Variants in DYTN observed in about 807,000 individuals in gnomAD.
DYTN encodes dystrotelin.
DYTN carries 75 observed loss-of-function variants against 69.6 expected under a neutral mutation model. The observed-to-expected ratio is 1.08, with a 90% CI of 0.89 to 1.31. DYTN has a LOEUF of 1.31. Among genes scored for constraint, DYTN ranks in the 50% most tolerant of loss-of-function variants. The probability of loss-of-function intolerance (pLI) is 0.00; values close to 1 mark genes in which losing one functional copy is unlikely to be tolerated. For synonymous variants in DYTN, 252 were observed against 249.1 expected (o/e 1.01, Z -0.11); for missense variants, 726 against 688.4 (o/e 1.05, Z -0.61).
At chr2:206,689,676 A>C (rs1196618060) in intron 9 of DYTN, among the ~76,000 whole-genome samples, 1 of 152,194 alleles carries the variant, frequency 6.6e-6, no homozygotes, top group Admixed American at 6.5e-5. Context: ...TAGAAAAGTG[A>C]AGTGACTTCC....
At chr2:206,691,341 A>T (rs868706598) in intron 9 of DYTN, among the ~76,000 whole-genome samples, 40 of 152,120 alleles carry the variant, frequency 2.6e-4, no homozygotes, top group African/African-American at 8.4e-4. Context: ...TGAACCTAGA[A>T]GGCAGAGGTC....
At chr2:206,687,505 G>A (rs957763706) in intron 9 of DYTN, 2 of 151,838 alleles carry the variant, frequency 1.3e-5, no homozygotes, top group African/African-American at 4.8e-5. Flanking sequence ...TTTTAATTTT[G>A]TTTATACTAT....
intron 1 of DYTN, among the ~76,000 whole-genome samples, chr2:206,713,910 G>A (rs549471329): frequency 1.1e-3 from 167 of 152,358 alleles, no homozygotes; most frequent in African/African-American, 3.9e-3. Flanking sequence ...CAGGCAATGA[G>A]GAGTTAGCAG....
chr2:206,665,694 G>A (rs1408557136), intron 10 of DYTN, among the ~76,000 whole-genome samples, 176 bp downstream of exon 10: 1 of 152,168 alleles, frequency 6.6e-6, no homozygotes, highest in Non-Finnish European at 1.5e-5. Flanking sequence ...CAATGGCACT[G>A]CCTTCATGGA....
intron 9 of DYTN, among the ~76,000 whole-genome samples, chr2:206,683,544 A>G (rs1175927291): frequency 1.3e-5 from 2 of 151,754 alleles, no homozygotes; most frequent in East Asian, 3.9e-4. Context: ...GGGTTTTACC[A>G]TGTTGGCCAT....
In DYTN at chr2:206,711,178, C is replaced by T. The variant is rs145440051; in HGVS notation, c.20-580G>A. ...TCTGAGTGCTTGAATTATTAGTGTTCGCGGTTATTTTCTCTCTGCTCAATA... is the reference window on the plus strand; with the variant it reads ...TCTGAGTGCTTGAATTATTAGTGTTTGCGGTTATTTTCTCTCTGCTCAATA... On this transcript the variant is annotated intron_variant, in intron 1 of 11. Transcript: ENST00000452335. Among the ~76,000 whole-genome samples the T allele has an allele frequency of 2.9e-4, 44 of 152,264 alleles. 1 individual carries two copies. In the East Asian group the frequency reaches 4.0e-3, roughly 14 times the overall value.
intron 9 of DYTN, among the ~76,000 whole-genome samples, chr2:206,681,449 G>A (rs1227069781): frequency 1.3e-5 from 2 of 152,108 alleles, no homozygotes; most frequent in East Asian, 1.9e-4. Flanking sequence ...CTTGTCTTGT[G>A]CCAGTTTTCA....
At chr2:206,690,479 C>T (rs1699852637) in intron 9 of DYTN, among the ~76,000 whole-genome samples, 1 of 152,126 alleles carries the variant, frequency 6.6e-6, no homozygotes, top group African/African-American at 2.4e-5. Context: ...TGAAAAGGGC[C>T]TGTGGCACCA....
intron 1 of DYTN, among the ~76,000 whole-genome samples, chr2:206,716,509 A>G (rs1700132072): frequency 6.6e-6 from 1 of 152,176 alleles, no homozygotes; most frequent in Non-Finnish European, 1.5e-5. Context: ...CTTTTTCAAG[A>G]GGTACAAACA....
In DYTN at chr2:206,659,794, C is replaced by T. The variant is rs115006042; in HGVS notation, c.1633+3109G>A. Among the ~76,000 whole-genome samples the T allele has an allele frequency of 5.4e-3, 824 of 152,106 alleles. 4 individuals carry two copies. Among genetic ancestry groups the T allele is most frequent in the African/African-American group, 0.019 (788 of 41,484 alleles). On this transcript the variant is annotated intron_variant, in intron 11 of 11. Coordinates refer to ENST00000452335, the MANE Select transcript of DYTN (RefSeq NM_001093730.1). ...ATATCAAATTGAATAACGATATAAA[C>T]ATAATTAGAAATAATTGGGTGAGGA...
Position 206,704,865 on chromosome 2 carries a change from T to G in DYTN, c.461A>C (p.Lys154Thr). The change falls in exon 5 of 12, where the codon AAA (lysine) becomes ACA (threonine). Residue 154 changes from lysine (K) to threonine (T), a missense_variant. Transcript: ENST00000452335. ...TACCTGCTGTAGATCTGTTAGTAGTTTTCTCAAAACCCTTCGAGTCATGCG... is the reference window on the plus strand; with the variant it reads ...TACCTGCTGTAGATCTGTTAGTAGTGTTCTCAAAACCCTTCGAGTCATGCG... Reference protein sequence around the residue: ...GPRMTRRVLRKLLTDLQQIPT... With the variant: ...GPRMTRRVLRTLLTDLQQIPT... The G allele has an allele frequency of 6.2e-7, 1 of 1,613,728 alleles. No individual in the cohort carries two copies.
At chr2:206,666,142 CTG>C in intron 9 of DYTN, 113 bp from the exon 10 acceptor site, 1 of 1,384,624 alleles carries the variant, frequency 7.2e-7, no homozygotes, top group South Asian at 1.4e-5. Flanking sequence ...CTGGAAAACC[CTG>C]TGTCTCAACT....
At chr2:206,706,177 G>A (rs1276511745) in intron 3 of DYTN, among the ~76,000 whole-genome samples, 1 of 152,086 alleles carries the variant, frequency 6.6e-6, no homozygotes, top group Non-Finnish European at 1.5e-5. Context: ...GGAGCAGGTA[G>A]CATCACTTCC....
At chr2:206,705,920 A>G in intron 3 of DYTN, 47 bp from the exon 4 acceptor site, 1 of 1,592,372 alleles carries the variant, frequency 6.3e-7, no homozygotes, top group Non-Finnish European at 8.6e-7. Flanking sequence ...GGCCAGGGTT[A>G]CCTTTGGTGT....
intron 1 of DYTN, among the ~76,000 whole-genome samples, chr2:206,717,672 A>G (rs1700142324): frequency 6.6e-6 from 1 of 152,224 alleles, no homozygotes. Flanking sequence ...GATCATACAG[A>G]ATTTCATATA....
intron 5 of DYTN, among the ~76,000 whole-genome samples, chr2:206,700,520 T>C (rs947911830): frequency 6.6e-6 from 1 of 152,216 alleles, no homozygotes; most frequent in Non-Finnish European, 1.5e-5. Flanking sequence ...AATTATTTTA[T>C]CCTTTCTTTG....
intron 9 of DYTN, among the ~76,000 whole-genome samples, chr2:206,672,431 G>A (rs1699639384): frequency 6.6e-6 from 1 of 152,214 alleles, no homozygotes; most frequent in Non-Finnish European, 1.5e-5. Flanking sequence ...TTTGAAGCAG[G>A]AAATAGAGTA....
intron 7 of DYTN, among the ~76,000 whole-genome samples, chr2:206,696,334 T>A (rs1699919466): frequency 6.6e-6 from 1 of 152,186 alleles, no homozygotes. Context: ...TGAGGCCAGA[T>A]GGCAGAAGGT....
At chr2:206,679,373 T>C (rs903935512) in intron 9 of DYTN, among the ~76,000 whole-genome samples, 12 of 152,106 alleles carry the variant, frequency 7.9e-5, no homozygotes, top group Non-Finnish European at 1.6e-4. Context: ...ATAATAGAAA[T>C]AAAAATTCAA....
Sources: gnomAD v4.1 joint callset for allele counts (sites outside exome capture counted in the v4.1 genomes callset) on GRCh38, gnomAD v4.1.1 for gene constraint, MANE v1.5 for transcripts, NCBI Gene and HGNC (gene_info 2026-07-23, HGNC 2026-07-21) for gene names.